CEP350: variants seen among roughly 807,000 people sequenced by gnomAD.
CEP350 encodes centrosomal protein 350, also known as centrosome-associated protein 350.
In CEP350, 126 loss-of-function variants were observed where a neutral mutation model predicts 331.8. That is an observed-to-expected ratio of 0.38 (90% confidence interval 0.33 to 0.44). The LOEUF (loss-of-function observed/expected upper bound fraction) is 0.44. Among genes scored for constraint, CEP350 ranks in the 20% least tolerant of loss-of-function variants. CEP350 has a pLI of 1.00. For missense variants in CEP350, 3,406 were observed against 3,634.6 expected, an observed-to-expected ratio of 0.94 and a Z score of 1.62; for synonymous variants, 1,200 against 1,259.5, an observed-to-expected ratio of 0.95 and a Z score of 1.00.
intron 1 of CEP350, among the ~76,000 whole-genome samples, chr1:179,974,539 ACT>A (rs1370948701): frequency 1.3e-5 from 2 of 151,918 alleles, no homozygotes; most frequent in Non-Finnish European, 2.9e-5. Context: ...GCTATTTGTA[ACT>A]CTATTACAGC....
At chr1:179,986,893 G>A (rs1391472564) in intron 2 of CEP350, among the ~76,000 whole-genome samples, 1 of 152,142 alleles carries the variant, frequency 6.6e-6, no homozygotes, top group African/African-American at 2.4e-5. Context: ...TGTATTATAA[G>A]ATACAGTACA....
At chr1:179,995,548 T>C (rs1653402066) in intron 5 of CEP350, among the ~76,000 whole-genome samples, 8 of 152,200 alleles carry the variant, frequency 5.3e-5, no homozygotes. Context: ...GAGGTTGCAG[T>C]GAGCGAGATC....
chr1:180,024,913 G>T (rs1571884339), intron 14 of CEP350, among the ~76,000 whole-genome samples: 2 of 151,848 alleles, frequency 1.3e-5, no homozygotes, highest in African/African-American at 2.4e-5. Context: ...ACACACACAT[G>T]ACTTTATTTA....
intron 30 of CEP350, among the ~76,000 whole-genome samples, chr1:180,081,223 G>A (rs756853125): frequency 9.2e-5 from 14 of 152,036 alleles, no homozygotes; most frequent in African/African-American, 2.4e-4. Flanking sequence ...TTTAGTAAAC[G>A]AAACATGAAA....
Position 180,007,217 on chromosome 1 carries a change from C to T in CEP350, c.1246+650C>T, listed in dbSNP as rs140615823. Among the ~76,000 whole-genome samples the T allele has an allele frequency of 6.4e-3, 968 of 152,284 alleles. 9 individuals are homozygous for T. The highest frequency in any genetic ancestry group is 0.022 in the African/African-American group (918 of 41,554). On this transcript the variant is annotated intron_variant, in intron 8 of 37. Coordinates refer to ENST00000367607, the MANE Select transcript of CEP350 (RefSeq NM_014810.5). ...TCCACAATGGTTGAACTAATTTATA[C>T]TCCCACCAACAGTGTAAAGATGTTC...
chr1:180,029,912 CAT>C (rs1655904269), intron 14 of CEP350, among the ~76,000 whole-genome samples: 1 of 152,082 alleles, frequency 6.6e-6, no homozygotes. Flanking sequence ...TAAGTGGAAT[CAT>C]ATTTGTCCTT....
chr1:179,968,245 C>T lies in CEP350; in HGVS notation c.-14+13103C>T, dbSNP rs573935274. Among the ~76,000 whole-genome samples the T allele has an allele frequency of 2.0e-5, 3 of 151,490 alleles. No individual in the cohort carries two copies. The East Asian group carries it at 5.8e-4, about 29-fold the overall frequency. On this transcript the variant is annotated intron_variant, in intron 1 of 37. Coordinates refer to ENST00000367607, the MANE Select transcript of CEP350 (RefSeq NM_014810.5). ...ACTAGGGAGGCTGAGGCAAGAGAAT[C>T]GCTTGATCCCGGGAGGTAGAGGTTG...
chr1:180,021,379 C>T (rs568497593), intron 12 of CEP350, among the ~76,000 whole-genome samples: 9 of 152,166 alleles, frequency 5.9e-5, no homozygotes, highest in African/African-American at 1.4e-4. Context: ...ATAAACCAGG[C>T]GCGGTGGCTC....
chr1:179,993,122 G>A (rs1571833515), intron 5 of CEP350, among the ~76,000 whole-genome samples: 1 of 151,770 alleles, frequency 6.6e-6, no homozygotes, highest in South Asian at 2.1e-4. Context: ...AATGTATCTG[G>A]GATGGTCAGG....
At chr1:180,108,464 C>T (rs1661274431) in intron 37 of CEP350, among the ~76,000 whole-genome samples, 1 of 152,064 alleles carries the variant, frequency 6.6e-6, no homozygotes, top group African/African-American at 2.4e-5. Context: ...CACGCCACTG[C>T]ACTCCAGCCT....
intron 15 of CEP350, among the ~76,000 whole-genome samples, chr1:180,032,613 T>G (rs1296146126): frequency 6.6e-6 from 1 of 151,952 alleles, no homozygotes; most frequent in African/African-American, 2.4e-5. Context: ...AAGTCCAGAT[T>G]TTTCAAAAAT....
At chr1:179,976,240 AT>A in intron 1 of CEP350, among the ~76,000 whole-genome samples, 1 of 151,894 alleles carries the variant, frequency 6.6e-6, no homozygotes, top group Non-Finnish European at 1.5e-5. Context: ...AGAAAAAAAA[AT>A]AGCTTTTTAG....
chr1:180,026,384 A>G (rs545529809), intron 14 of CEP350, among the ~76,000 whole-genome samples: 1 of 152,198 alleles, frequency 6.6e-6, no homozygotes, highest in African/African-American at 2.4e-5. Context: ...GGCTCAAGCA[A>G]TCCTTTTGCC....
intron 5 of CEP350, among the ~76,000 whole-genome samples, chr1:179,994,847 G>A (rs1160494067): frequency 6.6e-6 from 1 of 152,084 alleles, no homozygotes; most frequent in Non-Finnish European, 1.5e-5. Context: ...GCTGTAGACT[G>A]TTTTCTTAGA....
chr1:180,045,251 A>C (rs1315373969), intron 21 of CEP350, among the ~76,000 whole-genome samples: 2 of 152,132 alleles, frequency 1.3e-5, no homozygotes, highest in Admixed American at 1.3e-4. Context: ...CTGAGGCATG[A>C]GAATCTCTTG....
rs765134930 is a variant in CEP350, at chr1:180,114,621, G to A, written c.*3460G>A. The A allele has an allele frequency of 2.6e-5, 4 of 152,580 alleles. No individual in the cohort carries two copies. The highest frequency in any genetic ancestry group is 5.9e-5 in the Non-Finnish European group (4 of 68,036). The allele number at this position is 152,580 out of a possible 1,614,324, so 9.5% of individuals were successfully genotyped here. A position where few individuals can be genotyped will look rare whatever the true frequency, so the allele number is the denominator to read the frequency against. On this transcript the variant is annotated 3_prime_UTR_variant, in exon 38 of 38. Transcript: ENST00000367607. ...TCTCTGGGAGGTTCAGCCTCCTTGT[G>A]TGTACTGTACTGTGCAGACATGAAA...
intron 37 of CEP350, among the ~76,000 whole-genome samples, chr1:180,107,789 A>G (rs931925341): frequency 6.6e-6 from 1 of 152,070 alleles, no homozygotes; most frequent in Non-Finnish European, 1.5e-5. Flanking sequence ...ACATTTCTCT[A>G]TTCCACCAGC....
intron 27 of CEP350, among the ~76,000 whole-genome samples, chr1:180,072,097 A>C (rs9425857): frequency 6.6e-6 from 1 of 151,956 alleles, no homozygotes; most frequent in Non-Finnish European, 1.5e-5. Flanking sequence ...CCTATAAGGA[A>C]TGTATTTATA....
At chr1:180,096,389 C>T (rs930951976) in intron 36 of CEP350, among the ~76,000 whole-genome samples, 1 of 135,182 alleles carries the variant, frequency 7.4e-6, no homozygotes, top group African/African-American at 2.5e-5. Context: ...AGGGCTGAAT[C>T]CTCAAGTTTG....
Sources: allele counts gnomAD v4.1 joint callset (sites outside exome capture counted in the v4.1 genomes callset), GRCh38; gene constraint gnomAD v4.1.1; transcripts MANE v1.5; gene names NCBI Gene and HGNC (gene_info 2026-07-23, HGNC 2026-07-21).